The following FLNB variants were observed in gnomAD, a reference collection of about 807,000 sequenced individuals.
The protein encoded by FLNB is filamin-B.
In FLNB, 111 loss-of-function variants were observed where a neutral mutation model predicts 250.6. The ratio of observed to expected loss-of-function variants is 0.44; its 90% CI spans 0.38 to 0.52. FLNB has a LOEUF of 0.52. Ranked by LOEUF, FLNB falls within the 20% of genes least tolerant of loss-of-function variation. The pLI, the probability that FLNB is intolerant of heterozygous loss-of-function variation, is 0.00. For missense variants in FLNB, 2,869 were observed against 3,447.8 expected (o/e 0.83, Z 4.20); for synonymous variants, 1,302 against 1,372.1 (o/e 0.95, Z 1.13).
At chr3:58,057,329 G>A (rs1049680325) in intron 1 of FLNB, among the ~76,000 whole-genome samples, 3 of 152,176 alleles carry the variant, frequency 2.0e-5, no homozygotes, top group Non-Finnish European at 4.4e-5. Flanking sequence ...ATGATGGTTT[G>A]CAAGCACTGA....
At chr3:58,030,389 A>C (rs904736183) in intron 1 of FLNB, among the ~76,000 whole-genome samples, 3 of 152,184 alleles carry the variant, frequency 2.0e-5, no homozygotes, top group Non-Finnish European at 2.9e-5. Flanking sequence ...CAAGAACCCA[A>C]GTTTTTTGGG....
At position 58,154,841 on chromosome 3, in the gene FLNB, G is replaced by A. The variant is rs754754415; in HGVS notation, c.6685G>A (p.Ala2229Thr). ...AGCAGGCGCTGGAGGCCTCTCCATCGCTGTTGAGGGCCCCAGTAAGGCCGA... is the reference window on the plus strand; with the variant it reads ...AGCAGGCGCTGGAGGCCTCTCCATCACTGTTGAGGGCCCCAGTAAGGCCGA... ...REAGAGGLSI[A>T]VEGPSKAEIT... The change falls in exon 40 of 46, where the codon GCT (alanine) becomes ACT (threonine). Residue 2229 changes from alanine to threonine, a missense_variant. Ala to Thr is a moderately conservative substitution (Grantham distance 58). Transcript: ENST00000295956. 1.4e-5 allele frequency: 22 copies of A among 1,613,828 alleles called. No homozygotes were observed. The highest frequency in any genetic ancestry group is 1.1e-4 in the South Asian group (10 of 91,080).
intron 32 of FLNB, 71 bp from the exon 33 acceptor site, chr3:58,145,850 T>C (rs557255656): frequency 1.9e-6 from 3 of 1,603,706 alleles, no homozygotes; most frequent in African/African-American, 1.3e-5. Context: ...GACGTCAAGA[T>C]GCCAGTTGTC....
intron 1 of FLNB, among the ~76,000 whole-genome samples, chr3:58,009,430 G>A (rs2097095169): frequency 6.6e-6 from 1 of 152,202 alleles, no homozygotes; most frequent in South Asian, 2.1e-4. Flanking sequence ...GAGGTTGCAA[G>A]GGTAGGCGCG....
intron 1 of FLNB, among the ~76,000 whole-genome samples, chr3:58,026,121 A>G (rs1027612803): frequency 2.0e-4 from 31 of 152,182 alleles, no homozygotes; most frequent in African/African-American, 7.5e-4. Flanking sequence ...ATAAGTCTTC[A>G]CGTTAATGCC....
At chr3:58,120,961 CAAT>C (rs2097287851) in intron 19 of FLNB, among the ~76,000 whole-genome samples, 1 of 152,216 alleles carries the variant, frequency 6.6e-6, no homozygotes, top group South Asian at 2.1e-4. Context: ...AAAATTAAGA[CAAT>C]AACCTATTTG....
intron 6 of FLNB, among the ~76,000 whole-genome samples, 172 bp downstream of exon 6, chr3:58,096,390 T>C (rs1490431001): frequency 6.6e-6 from 1 of 152,230 alleles, no homozygotes; most frequent in Non-Finnish European, 1.5e-5. Context: ...CTCTACTAGC[T>C]AGGATGAGTT....
Position 58,153,505 on chromosome 3 carries a change from G to C in FLNB, c.6498G>C (p.Thr2166=), listed in dbSNP as rs202028341. ...RFVPQEMGVH[T]VSVKYRGQHV... The stretch of plus-strand genomic sequence containing the variant: ...TGCCCCAGGAGATGGGCGTGCACAC[G>C]GTCAGCGTCAAGTACCGTGGGCAGC... The change falls in exon 39 of 46, where the codon ACG becomes ACC. Residue 2166 remains threonine, a synonymous_variant. Transcript: ENST00000295956. The C allele has an allele frequency of 2.9e-5, 47 of 1,614,202 alleles. No homozygotes were observed. The South Asian group carries it at 4.9e-4, about 17-fold the overall frequency.
intron 1 of FLNB, among the ~76,000 whole-genome samples, chr3:58,037,603 T>G (rs1484732930): frequency 6.6e-6 from 1 of 152,206 alleles, no homozygotes; most frequent in East Asian, 1.9e-4. Context: ...ATTCATTTTT[T>G]CCCTTGCATT....
intron 40 of FLNB, among the ~76,000 whole-genome samples, 186 bp downstream of exon 40, chr3:58,155,114 T>G (rs1222372677): frequency 6.6e-6 from 1 of 152,226 alleles, no homozygotes; most frequent in Admixed American, 6.5e-5. Context: ...GAACGCTTGT[T>G]CTGGTTGCCT....
intron 4 of FLNB, among the ~76,000 whole-genome samples, chr3:58,087,265 C>G (rs540858201): frequency 6.6e-6 from 1 of 151,966 alleles, no homozygotes; most frequent in East Asian, 1.9e-4. Flanking sequence ...ATTGTGGGTA[C>G]TTTGCAAGTA....
intron 18 of FLNB, among the ~76,000 whole-genome samples, chr3:58,115,452 A>C (rs926398879): frequency 6.6e-6 from 1 of 152,238 alleles, no homozygotes; most frequent in African/African-American, 2.4e-5. Flanking sequence ...GGACAGGGTC[A>C]GGGTTTGACC....
At position 58,124,594 on chromosome 3, in the gene FLNB, G is replaced by T. The variant is rs2097294528; in HGVS notation, c.3898+89G>T. On this transcript the variant is annotated intron_variant, in intron 22 of 45. Transcript: ENST00000295956. ...TGGCTGGTACTGATGCCTGCCCCAT[G>T]TGCTAGGCCTGTCTCAGCAGGGCCA... 4.2e-6 allele frequency: 6 copies of T among 1,412,218 alleles called. No individual in the cohort carries two copies. In the South Asian group the frequency reaches 7.1e-5, roughly 17 times the overall value. 87.5% of individuals were successfully genotyped at this position (1,412,218 alleles called of 1,614,324 possible).
rs1275498844 is a variant in FLNB at position 58,135,831 on chromosome 3, C to CA, written c.4672-142dup. The CA allele has an allele frequency of 3.3e-5, 28 of 855,942 alleles. No homozygotes were observed. In the East Asian group the frequency reaches 4.3e-4, roughly 13 times the overall value. 53.0% of individuals were successfully genotyped at this position (855,942 alleles called of 1,614,324 possible). A position where few individuals can be genotyped will look rare whatever the true frequency, so the allele number is the denominator to read the frequency against. The stretch of plus-strand genomic sequence containing the variant: ...ATCTGTGACCCTCTACTCTCCCTAC[C>CA]AAAAAACAAAACAAAACTAGATTGT... On this transcript the variant is annotated intron_variant, in intron 27 of 45. Transcript: ENST00000295956.
chr3:58,036,198 C>T (rs964875554), intron 1 of FLNB, among the ~76,000 whole-genome samples: 1 of 152,116 alleles, frequency 6.6e-6, no homozygotes, highest in African/African-American at 2.4e-5. Context: ...CTTTGGACCC[C>T]AGTTTTGTAA....
chr3:58,079,041 A>G (rs1418667097), intron 3 of FLNB, among the ~76,000 whole-genome samples: 2 of 151,890 alleles, frequency 1.3e-5, no homozygotes, highest in Admixed American at 1.3e-4. Context: ...TCATCCAGAA[A>G]TTTTCATGTC....
chr3:58,138,149 A>T (rs897998997), intron 28 of FLNB, 133 bp from the exon 29 acceptor site: 4 of 1,145,522 alleles, frequency 3.5e-6, no homozygotes, highest in Non-Finnish European at 5.2e-6. Flanking sequence ...GATCTTTGGG[A>T]TATCCCTCTG....
At chr3:58,170,455 C>T in intron 45 of FLNB, 120 bp from the exon 46 acceptor site, 1 of 935,392 alleles carries the variant, frequency 1.1e-6, no homozygotes, top group Non-Finnish European at 1.7e-6. Flanking sequence ...CCACGCTCTC[C>T]CACCTCTTAG....
chr3:58,124,958 C>T (rs2097295280), intron 22 of FLNB, among the ~76,000 whole-genome samples: 1 of 152,050 alleles, frequency 6.6e-6, no homozygotes, highest in Non-Finnish European at 1.5e-5. Flanking sequence ...TCTTCTGTTT[C>T]ACGGGTTTCG....
Sources: allele counts gnomAD v4.1 joint callset (sites outside exome capture counted in the v4.1 genomes callset), GRCh38; gene constraint gnomAD v4.1.1; transcripts MANE v1.5; gene names NCBI Gene and HGNC (gene_info 2026-07-23, HGNC 2026-07-21).